The following DPPA4 variants were observed in gnomAD, a reference collection of about 807,000 sequenced individuals.
DPPA4 encodes developmental pluripotency associated 4.
Under a neutral mutation model 33.7 loss-of-function variants are expected in DPPA4, and 22 were observed. That is an observed-to-expected ratio of 0.65 (90% CI 0.47 to 0.93). DPPA4 has a LOEUF of 0.93. DPPA4 is among the 40% of genes least tolerant of loss of function. The pLI is 0.00. For synonymous variants in DPPA4, 156 were observed against 132.3 expected (o/e 1.18, Z -1.23); for missense variants, 340 against 358.6 (o/e 0.95, Z 0.42).
At chr3:109,334,259 G>T (rs1708146205) in intron 1 of DPPA4, among the ~76,000 whole-genome samples, 1 of 152,200 alleles carries the variant, frequency 6.6e-6, no homozygotes, top group African/African-American at 2.4e-5. Flanking sequence ...CTGCCTTGAG[G>T]GGAAAAAGCG....
chr3:109,338,458 A>T (rs1708254520), upstream of DPPA4, among the ~76,000 whole-genome samples: 1 of 152,218 alleles, frequency 6.6e-6, no homozygotes, highest in Non-Finnish European at 1.5e-5. Context: ...AAGAGATGTG[A>T]AGTGAAGGAA....
rs16855542 is a variant in DPPA4 at position 109,327,954 on chromosome 3, T to C, written c.*34A>G. 5.4e-3 allele frequency: 7,975 copies of C among 1,481,698 alleles called. 368 individuals are homozygous for C. In the African/African-American group the frequency reaches 0.097, roughly 18 times the overall value. 91.8% of individuals were successfully genotyped at this position (1,481,698 alleles called of 1,614,324 possible). A position where few individuals can be genotyped will look rare whatever the true frequency, so the allele number is the denominator to read the frequency against. ...TCCAACTCTCCAGCTTTTCTGCCAT[T>C]AATTACCATAGATGTGGCCTTTTTC... On this transcript the variant is annotated 3_prime_UTR_variant, in exon 7 of 7. Coordinates refer to ENST00000335658, the MANE Select transcript of DPPA4 (RefSeq NM_018189.4).
chr3:109,329,854 T>C (rs1708022136), intron 5 of DPPA4: 1 of 152,484 alleles, frequency 6.6e-6, no homozygotes, highest in Non-Finnish European at 1.5e-5. Flanking sequence ...AGGCAATTAA[T>C]TTTAGACCTT....
intron 1 of DPPA4, among the ~76,000 whole-genome samples, chr3:109,337,065 TA>T (rs1467524313): frequency 6.6e-6 from 1 of 151,978 alleles, no homozygotes; most frequent in Non-Finnish European, 1.5e-5. Flanking sequence ...CACACCTGGC[TA>T]ATTTTGTACT....
At chr3:109,334,896 T>G (rs1263931039) in intron 1 of DPPA4, among the ~76,000 whole-genome samples, 1 of 152,210 alleles carries the variant, frequency 6.6e-6, no homozygotes, top group Non-Finnish European at 1.5e-5. Flanking sequence ...AAGTCTCACC[T>G]CAAGTGCTAT....
chr3:109,334,059 CAAGATAACTCACTTCT>C, intron 1 of DPPA4, 66 bp from the exon 2 acceptor site: 5 of 1,574,274 alleles, frequency 3.2e-6, no homozygotes, highest in Non-Finnish European at 3.5e-6. Context: ...CTACCTGCCT[CAAGATAACTCACTTCT>C]AAGGCACCAA....
At chr3:109,337,147 G>A (rs533444223) in intron 1 of DPPA4, among the ~76,000 whole-genome samples, 1 of 151,384 alleles carries the variant, frequency 6.6e-6, no homozygotes, top group Non-Finnish European at 1.5e-5. Flanking sequence ...TGATCCGCCC[G>A]CCTCGGCTGC....
chr3:109,329,137 T>A, intron 5 of DPPA4, 49 bp from the exon 6 acceptor site: 2 of 1,557,598 alleles, frequency 1.3e-6, no homozygotes, highest in Non-Finnish European at 1.8e-6. Flanking sequence ...CAGGATGACA[T>A]ACTGATGTAA....
chr3:109,329,007 T>C lies in DPPA4; in HGVS notation c.761A>G (p.Gln254Arg), dbSNP rs1707996402. Residue 254 changes from glutamine (Q) to arginine (R), a missense_variant, in exon 6 of 7, where the codon CAA (glutamine) becomes CGA (arginine). This residue lies in a region of DPPA4 where 212 missense variants were observed against 206.5 expected (regional missense o/e 1.03). Coordinates refer to ENST00000335658, the MANE Select transcript of DPPA4 (RefSeq NM_018189.4). Reference protein sequence around the residue: ...GWVHLQFHAGQAWVPEKQEGR... With the variant: ...GWVHLQFHAGRAWVPEKQEGR... Reference sequence around the variant, plus strand: ...TTCTTGCTTTTCTGGAACCCAGGCTTGACCAGCATGAAACTGCAGGTGAAC... The same window carrying C: ...TTCTTGCTTTTCTGGAACCCAGGCTCGACCAGCATGAAACTGCAGGTGAAC... The C allele has an allele frequency of 4.3e-6, 7 of 1,614,074 alleles. No homozygotes were observed. Among genetic ancestry groups the C allele is most frequent in the African/African-American group, 1.3e-5 (1 of 74,986 alleles).
At position 109,328,068 on chromosome 3, in the gene DPPA4, A is replaced by G; in HGVS notation, c.879-44T>C. ...ATTTGTTTTTAAAAAGAATGAAGAA[A>G]TATTAAAAATAGCCAAGAAACCCGC... On this transcript the variant is annotated intron_variant, in intron 6 of 6. Transcript: ENST00000335658. 3.1e-6 allele frequency: 4 copies of G among 1,278,680 alleles called. No homozygotes were observed. The South Asian group carries it at 3.7e-5, about 12-fold the overall frequency. The allele number at this position is 1,278,680 out of a possible 1,614,324, so 79.2% of individuals were successfully genotyped here.
chr3:109,330,471 T>C, intron 5 of DPPA4, 53 bp downstream of exon 5: 2 of 1,597,586 alleles, frequency 1.3e-6, no homozygotes, highest in Non-Finnish European at 1.7e-6. Flanking sequence ...GATTAATATC[T>C]ACTAAGCTTA....
At chr3:109,336,706 C>A (rs1404758057) in intron 1 of DPPA4, among the ~76,000 whole-genome samples, 1 of 152,054 alleles carries the variant, frequency 6.6e-6, no homozygotes, top group African/African-American at 2.4e-5. Flanking sequence ...CAGGACTAAG[C>A]ACCTCTTCAA....
intron 2 of DPPA4, 85 bp downstream of exon 2, chr3:109,333,785 C>T: frequency 6.6e-7 from 1 of 1,506,996 alleles, no homozygotes; most frequent in Non-Finnish European, 9.1e-7. Flanking sequence ...ATGGAAATTT[C>T]TTCCCTGGTT....
At chr3:109,339,278 G>C (rs2107357399), upstream of DPPA4, among the ~76,000 whole-genome samples, 1 of 152,246 alleles carries the variant, frequency 6.6e-6, no homozygotes, top group East Asian at 1.9e-4. Flanking sequence ...TAAGGCTTTA[G>C]CAGCTAGCCA....
At chr3:109,330,300 CAAAAAAA>C (rs71129042) in intron 5 of DPPA4, 175 of 348,572 alleles carry the variant, frequency 5.0e-4, no homozygotes, top group African/African-American at 1.4e-3. Context: ...GAAACTGTCT[CAAAAAAA>C]AAAAAAAAAA....
chr3:109,336,222 G>A (rs1378275914), intron 1 of DPPA4: 1 of 151,782 alleles, frequency 6.6e-6, no homozygotes, highest in African/African-American at 2.4e-5. Flanking sequence ...GTGGATTACT[G>A]GACAAATTAA....
chr3:109,331,686 ATAGGTAAT>A, intron 4 of DPPA4, 40 bp downstream of exon 4: 2 of 1,583,944 alleles, frequency 1.3e-6, no homozygotes, highest in Non-Finnish European at 1.7e-6. Context: ...TGAGGCTACA[ATAGGTAAT>A]TAGGATAAGC....
rs761561511 is a variant in DPPA4, at chr3:109,331,919, G to A, written c.291C>T (p.Asp97=). ...ATTGTTGGCACCAGGCCCGCAGAAT[G>A]TCCCGGTGAATCAGATTAACAGGTG... The part of the protein sequence containing the change: ...KLPPVNLIHR[D]ILRAWCQQLK... Residue 97 remains aspartate, a synonymous_variant, in exon 3 of 7, where the codon GAC becomes GAT. Transcript: ENST00000335658. 6.2e-7 allele frequency: 1 copy of A among 1,613,984 alleles called. No homozygotes were observed. Among genetic ancestry groups the A allele is most frequent in the African/African-American group, 1.3e-5 (1 of 74,908 alleles).
intron 4 of DPPA4, among the ~76,000 whole-genome samples, chr3:109,331,260 CAAAAAAA>C (rs10593582): frequency 1.7e-5 from 1 of 58,410 alleles, no homozygotes; most frequent in Admixed American, 3.2e-4. Flanking sequence ...GACTCTGTCT[CAAAAAAA>C]AAAAAAAAAA....
Sources: allele counts gnomAD v4.1 joint callset (sites outside exome capture counted in the v4.1 genomes callset), GRCh38; gene constraint gnomAD v4.1.1; regional missense constraint gnomAD v4.1.1; transcripts MANE v1.5; gene names NCBI Gene and HGNC (gene_info 2026-07-23, HGNC 2026-07-21).